MPP7: variants seen among roughly 807,000 people sequenced by gnomAD.
MPP7 encodes MAGUK p55 scaffold protein 7.
In MPP7, 60 loss-of-function variants were observed where a neutral mutation model predicts 76.5. That is an observed-to-expected ratio of 0.78 (90% CI 0.64 to 0.97). MPP7 has a LOEUF of 0.97. MPP7 is among the 50% of genes least tolerant of loss of function. The probability of loss-of-function intolerance (pLI) is 0.00; values close to 1 mark genes in which losing one functional copy is unlikely to be tolerated. For synonymous variants in MPP7, 237 were observed against 244.5 expected, an observed-to-expected ratio of 0.97 and a Z score of 0.29; for missense variants, 641 against 694.0, an observed-to-expected ratio of 0.92 and a Z score of 0.86.
intron 16 of MPP7, 73 bp downstream of exon 16, chr10:28,056,407 C>T (rs61845094): frequency 0.11 from 165,255 of 1,479,524 alleles, 10,064 homozygotes; most frequent in Non-Finnish European, 0.12. Context: ...GATCCTCCTG[C>T]TTCGGCCTCC....
intron 2 of MPP7, among the ~76,000 whole-genome samples, chr10:28,321,278 A>T (rs1443708452): frequency 1.3e-5 from 2 of 152,338 alleles, no homozygotes; most frequent in Non-Finnish European, 2.9e-5. Flanking sequence ...AAATGAGAAA[A>T]GCTCTTTTCA....
Position 28,104,280 on chromosome 10 carries a change from A to G in MPP7, c.953-14439T>C, listed in dbSNP as rs191414290. Among the ~76,000 whole-genome samples, 20 of 152,340 alleles carry G rather than the reference A, an allele frequency of 1.3e-4. No individual in the cohort carries two copies. In the East Asian group the frequency reaches 3.7e-3, roughly 28 times the overall value. On this transcript the variant is annotated intron_variant, in intron 11 of 16. Transcript: ENST00000683449. ...CATCAAATTAACAGAAGACTGATGAATAACCCAACAAGAAAAGGGGGCAAA... is the reference window on the plus strand; with the variant it reads ...CATCAAATTAACAGAAGACTGATGAGTAACCCAACAAGAAAAGGGGGCAAA...
At chr10:28,114,050 T>C (rs1369096823) in intron 11 of MPP7, among the ~76,000 whole-genome samples, 1 of 152,168 alleles carries the variant, frequency 6.6e-6, no homozygotes, top group African/African-American at 2.4e-5. Context: ...ATCTGCTATC[T>C]TCAAGTACAT....
intron 13 of MPP7, among the ~76,000 whole-genome samples, chr10:28,061,539 T>G (rs1193003984): frequency 6.6e-6 from 1 of 151,404 alleles, no homozygotes; most frequent in Non-Finnish European, 1.5e-5. Context: ...TAGATAGAAC[T>G]CCAGGGACCT....
chr10:28,158,200 G>C (rs1275148682), intron 3 of MPP7, among the ~76,000 whole-genome samples: 1 of 152,098 alleles, frequency 6.6e-6, no homozygotes, highest in Non-Finnish European at 1.5e-5. Context: ...TGAGGAAAAA[G>C]AAGTGTTAAG....
At chr10:28,252,125 T>C (rs868045921) in intron 1 of MPP7, among the ~76,000 whole-genome samples, 5 of 152,326 alleles carry the variant, frequency 3.3e-5, no homozygotes, top group African/African-American at 4.8e-5. Flanking sequence ...AGCTTATACA[T>C]TGCTTAGTTA....
chr10:28,055,231 A>G (rs933706023), intron 16 of MPP7, among the ~76,000 whole-genome samples: 2 of 152,168 alleles, frequency 1.3e-5, no homozygotes, highest in African/African-American at 4.8e-5. Flanking sequence ...ATTTCACAAT[A>G]ACAGAAAATT....
intron 1 of MPP7, among the ~76,000 whole-genome samples, chr10:28,258,405 T>TAA (rs1554859588): frequency 2.7e-5 from 4 of 145,578 alleles, no homozygotes; most frequent in South Asian, 2.1e-4. Context: ...TATATATATA[T>TAA]AAATTTTTTT....
intron 3 of MPP7, among the ~76,000 whole-genome samples, chr10:28,156,791 G>A (rs549463174): frequency 2.0e-5 from 3 of 152,312 alleles, no homozygotes; most frequent in African/African-American, 7.2e-5. Context: ...AAAAGAATCT[G>A]TCTGGACGCA....
rs919783046 is a variant in MPP7, at chr10:28,303,011, C to T, written c.-282G>A. ...CGGCACCGCCGCGGCGGGCGCAGAA[C>T]GCACGAGCCCAGTGGGAGCCCGGCC... On this transcript the variant is annotated 5_prime_UTR_variant, in exon 1 of 17. Transcript: ENST00000683449. 1.3e-5 allele frequency among the ~76,000 whole-genome samples: 2 copies of T among 150,190 alleles called. No homozygotes were observed. The highest frequency in any genetic ancestry group is 6.6e-5 in the Admixed American group (1 of 15,144).
At chr10:28,099,683 T>C (rs1335122933) in intron 11 of MPP7, among the ~76,000 whole-genome samples, 1 of 152,132 alleles carries the variant, frequency 6.6e-6, no homozygotes, top group South Asian at 2.1e-4. Flanking sequence ...GGTGCATGCC[T>C]GTAATCCCAG....
intron 1 of MPP7, among the ~76,000 whole-genome samples, chr10:28,248,772 T>C (rs1268548964): frequency 1.3e-5 from 2 of 152,172 alleles, no homozygotes; most frequent in Non-Finnish European, 2.9e-5. Flanking sequence ...GCCAGAAATA[T>C]CCAGTGCAGT....
At chr10:28,099,680 G>C (rs1471278726) in intron 11 of MPP7, among the ~76,000 whole-genome samples, 1 of 152,092 alleles carries the variant, frequency 6.6e-6, no homozygotes, top group African/African-American at 2.4e-5. Context: ...GGTGGTGCAT[G>C]CCTGTAATCC....
At chr10:28,255,571 T>C (rs1299368047) in intron 1 of MPP7, among the ~76,000 whole-genome samples, 1 of 152,012 alleles carries the variant, frequency 6.6e-6, no homozygotes, top group Non-Finnish European at 1.5e-5. Flanking sequence ...CGTGCCACCA[T>C]GCTCAGCTAA....
At chr10:28,142,222 T>G (rs905511278) in intron 5 of MPP7, among the ~76,000 whole-genome samples, 3 of 152,228 alleles carry the variant, frequency 2.0e-5, no homozygotes, top group African/African-American at 7.2e-5. Flanking sequence ...AGAAAATGCA[T>G]GTAAGATTAA....
chr10:28,170,305 C>T (rs1042610919), intron 3 of MPP7, among the ~76,000 whole-genome samples: 1 of 151,936 alleles, frequency 6.6e-6, no homozygotes, highest in African/African-American at 2.4e-5. Flanking sequence ...CATTATCCCA[C>T]AAATATCACC....
At chr10:28,084,715 T>C (rs4749301) in intron 12 of MPP7, among the ~76,000 whole-genome samples, 46,615 of 152,120 alleles carry the variant, frequency 0.31, 8,824 homozygotes, top group East Asian at 0.88. Flanking sequence ...ATATAACCTT[T>C]CGTGGTAAGT....
intron 2 of MPP7, among the ~76,000 whole-genome samples, chr10:28,210,149 G>A (rs916089437): frequency 1.4e-4 from 22 of 152,086 alleles, no homozygotes; most frequent in Non-Finnish European, 2.9e-4. Flanking sequence ...ACTGAGTTAT[G>A]CCACCAGCTT....
At chr10:28,263,057 A>C (rs1325521837) in intron 1 of MPP7, among the ~76,000 whole-genome samples, 2 of 152,218 alleles carry the variant, frequency 1.3e-5, no homozygotes, top group African/African-American at 2.4e-5. Context: ...CTCCGTTTCA[A>C]AAAAATAAAA....
Sources: gnomAD v4.1 joint callset for allele counts (sites outside exome capture counted in the v4.1 genomes callset) on GRCh38, gnomAD v4.1.1 for gene constraint, MANE v1.5 for transcripts, NCBI Gene and HGNC (gene_info 2026-07-23, HGNC 2026-07-21) for gene names.